The following EVA1C variants were observed in gnomAD, a reference collection of about 807,000 sequenced individuals.
EVA1C encodes eva-1 homolog C, also known as protein eva-1 homolog C.
A neutral mutation model predicts 45.4 loss-of-function variants in EVA1C; 25 were observed. The observed-to-expected ratio is 0.55, with a 90% CI of 0.40 to 0.77. The LOEUF is 0.77. Among genes scored for constraint, EVA1C ranks in the 30% least tolerant of loss-of-function variants. The probability of loss-of-function intolerance (pLI) is 0.00; values close to 1 mark genes in which losing one functional copy is unlikely to be tolerated. For synonymous variants in EVA1C, 190 were observed against 221.2 expected (o/e 0.86, Z 1.25); for missense variants, 479 against 554.8 (o/e 0.86, Z 1.37).
chr21:32,486,609 A>G (rs1454333848), intron 4 of EVA1C, among the ~76,000 whole-genome samples: 2 of 152,170 alleles, frequency 1.3e-5, no homozygotes, highest in Non-Finnish European at 2.9e-5. Context: ...GTCTCATTTA[A>G]TCCTAAAATT....
intron 1 of EVA1C, among the ~76,000 whole-genome samples, chr21:32,416,169 G>A (rs900905048): frequency 5.7e-4 from 86 of 151,780 alleles, no homozygotes; most frequent in Admixed American, 5.7e-3. Flanking sequence ...TGTGTCTCTT[G>A]TATTTAGTTT....
intron 7 of EVA1C, among the ~76,000 whole-genome samples, chr21:32,505,246 G>A (rs7279989): frequency 0.47 from 71,861 of 151,926 alleles, 17,763 homozygotes; most frequent in East Asian, 0.68. Context: ...GTCCTCCTGC[G>A]TCAGGATTCC....
At chr21:32,456,181 C>T (rs979964586) in intron 2 of EVA1C, among the ~76,000 whole-genome samples, 1 of 147,762 alleles carries the variant, frequency 6.8e-6, no homozygotes, top group African/African-American at 2.4e-5. Flanking sequence ...TGTGAGCCAC[C>T]GCGCCCAGCC....
intron 1 of EVA1C, among the ~76,000 whole-genome samples, chr21:32,433,868 G>C (rs1485380297): frequency 1.8e-5 from 1 of 54,396 alleles, no homozygotes; most frequent in African/African-American, 1.6e-4. Context: ...CTTATGGAAA[G>C]GGGAAATTGG....
intron 6 of EVA1C, among the ~76,000 whole-genome samples, chr21:32,502,368 G>A (rs903305255): frequency 6.6e-6 from 1 of 152,026 alleles, no homozygotes; most frequent in Non-Finnish European, 1.5e-5. Flanking sequence ...CAAAGTGCTG[G>A]GATTACAGGT....
intron 2 of EVA1C, among the ~76,000 whole-genome samples, chr21:32,455,316 AAAC>A (rs1048953754): frequency 5.3e-5 from 8 of 152,112 alleles, no homozygotes; most frequent in African/African-American, 1.9e-4. Flanking sequence ...AAAAAACAAA[AAAC>A]AAACAAACAA....
At chr21:32,485,213 C>T (rs546107423) in intron 4 of EVA1C, among the ~76,000 whole-genome samples, 2 of 152,288 alleles carry the variant, frequency 1.3e-5, no homozygotes, top group Admixed American at 6.5e-5. Context: ...AATAGTCTCA[C>T]TCTGTCACAC....
intron 7 of EVA1C, among the ~76,000 whole-genome samples, chr21:32,510,000 G>A (rs1276400112): frequency 2.0e-5 from 3 of 151,054 alleles, no homozygotes; most frequent in Non-Finnish European, 2.9e-5. Flanking sequence ...CTGTGGTCAG[G>A]AGTTGACTTT....
intron 4 of EVA1C, among the ~76,000 whole-genome samples, chr21:32,486,104 G>A (rs1250936284): frequency 6.6e-6 from 1 of 152,160 alleles, no homozygotes; most frequent in East Asian, 1.9e-4. Flanking sequence ...TGGATGCGGA[G>A]CTATTGATCT....
intron 4 of EVA1C, among the ~76,000 whole-genome samples, chr21:32,487,614 G>A (rs1184133650): frequency 1.3e-5 from 2 of 151,922 alleles, no homozygotes; most frequent in South Asian, 2.1e-4. Flanking sequence ...CCAGCTACTC[G>A]GGAAGCTGAG....
intron 1 of EVA1C, among the ~76,000 whole-genome samples, chr21:32,451,621 C>G (rs9284456): frequency 0.22 from 33,254 of 152,072 alleles, 3,804 homozygotes; most frequent in Admixed American, 0.3. Flanking sequence ...CTGGAGGCCA[C>G]AGTCTGAATC....
chr21:32,422,127 G>A (rs554781150), intron 1 of EVA1C, among the ~76,000 whole-genome samples: 36 of 151,270 alleles, frequency 2.4e-4, no homozygotes, highest in African/African-American at 8.0e-4. Context: ...AAAGGCTATC[G>A]AGAAAAAACA....
intron 4 of EVA1C, among the ~76,000 whole-genome samples, chr21:32,469,884 T>A (rs1260552608): frequency 1.3e-5 from 2 of 152,100 alleles, no homozygotes; most frequent in African/African-American, 4.8e-5. Flanking sequence ...GCTTTCAACA[T>A]CAGTCACATC....
chr21:32,432,730 T>C (rs2034760290), intron 1 of EVA1C, among the ~76,000 whole-genome samples: 1 of 152,170 alleles, frequency 6.6e-6, no homozygotes. Flanking sequence ...TTCTGTTCTC[T>C]TATTTTTAGA....
chr21:32,424,796 C>G (rs902499898), intron 1 of EVA1C, among the ~76,000 whole-genome samples: 1 of 152,082 alleles, frequency 6.6e-6, no homozygotes, highest in African/African-American at 2.4e-5. Context: ...CATCTGATTT[C>G]CGTATTTTTT....
At chr21:32,465,549 A>T (rs1057393681) in intron 3 of EVA1C, among the ~76,000 whole-genome samples, 40 of 152,326 alleles carry the variant, frequency 2.6e-4, no homozygotes, top group African/African-American at 9.1e-4. Flanking sequence ...TTCTTTACAA[A>T]ATGTTGGCAA....
chr21:32,473,828 C>T (rs370258930), intron 4 of EVA1C: 1 of 744,902 alleles, frequency 1.3e-6, no homozygotes, highest in Non-Finnish European at 1.6e-6. Flanking sequence ...CTGTCCTGAA[C>T]GGTGAGGTCA....
At chr21:32,437,417 C>G (rs1428828275) in intron 1 of EVA1C, among the ~76,000 whole-genome samples, 1 of 152,168 alleles carries the variant, frequency 6.6e-6, no homozygotes, top group African/African-American at 2.4e-5. Flanking sequence ...TCAAGGGTCT[C>G]TCCAGTCCAT....
rs761406200 is a variant in EVA1C, at chr21:32,467,847, C to T, written c.633C>T (p.Phe211=). Residue 211 remains phenylalanine (F), a splice_region_variant and synonymous_variant, in exon 4 of 8, where the codon TTC becomes TTT. Coordinates refer to ENST00000300255, the MANE Select transcript of EVA1C (RefSeq NM_058187.5). ...CCAAGGCAGAGCGGCTCCCCCCTTT[C>T]GGTATGTGCTTTTGTGTGTGTATTA... is the stretch of plus-strand genomic sequence containing the variant. ...CSSKAERLPP[F]DCLSYSALQV... 29 of 1,606,188 alleles carry T rather than the reference C, an allele frequency of 1.8e-5. No individual in the cohort carries two copies. The highest frequency in any genetic ancestry group is 1.7e-4 in the Middle Eastern group (1 of 6,038).
Sources: gnomAD v4.1 joint callset for allele counts (sites outside exome capture counted in the v4.1 genomes callset) on GRCh38, gnomAD v4.1.1 for gene constraint, MANE v1.5 for transcripts, NCBI Gene and HGNC (gene_info 2026-07-23, HGNC 2026-07-21) for gene names.